HACE1: variants seen among roughly 807,000 people sequenced by gnomAD.
HACE1 encodes the protein HECT domain and ankyrin repeat containing E3 ubiquitin protein ligase 1, also known as E3 ubiquitin-protein ligase HACE1.
A neutral mutation model predicts 118.4 loss-of-function variants in HACE1; 73 were observed. That is an observed-to-expected ratio of 0.62 (90% CI 0.51 to 0.75). The LOEUF (loss-of-function observed/expected upper bound fraction) is 0.75. Ranked by LOEUF, HACE1 falls within the 30% of genes least tolerant of loss-of-function variation. HACE1 has a pLI of 0.00. For synonymous variants in HACE1, 368 were observed against 374.8 expected, an observed-to-expected ratio of 0.98 and a Z score of 0.21; for missense variants, 749 against 1,102.2, an observed-to-expected ratio of 0.68 and a Z score of 4.54.
chr6:104,792,792 T>G (rs566663965), intron 10 of HACE1, among the ~76,000 whole-genome samples: 5 of 152,128 alleles, frequency 3.3e-5, no homozygotes, highest in African/African-American at 1.2e-4. Flanking sequence ...TGTGATTAGG[T>G]ACATCTGAAG....
chr6:104,807,385 T>C (rs1331311560), intron 7 of HACE1, among the ~76,000 whole-genome samples: 1 of 152,180 alleles, frequency 6.6e-6, no homozygotes, highest in Non-Finnish European at 1.5e-5. Context: ...ACGAGTTGCT[T>C]CGCAGTAGCT....
chr6:104,759,072 A>G (rs1779038005), intron 19 of HACE1, among the ~76,000 whole-genome samples: 1 of 151,422 alleles, frequency 6.6e-6, no homozygotes, highest in Non-Finnish European at 1.5e-5. Context: ...GAGATCTACA[A>G]AGAGACTTAG....
intron 7 of HACE1, among the ~76,000 whole-genome samples, chr6:104,802,018 A>T (rs1770416465): frequency 6.7e-6 from 1 of 149,592 alleles, no homozygotes; most frequent in Non-Finnish European, 1.5e-5. Flanking sequence ...AAGATCTACC[A>T]AGCAAACGAA....
Position 104,785,316 on chromosome 6 carries a change from G to C in HACE1, c.1078C>G (p.Leu360Val). 1 of 1,573,622 alleles carries C rather than the reference G, an allele frequency of 6.4e-7. No homozygotes were observed. The highest frequency in any genetic ancestry group is 8.7e-7 in the Non-Finnish European group (1 of 1,144,878). The change falls in exon 12 of 24, where the codon CTG (leucine) becomes GTG (valine). Residue 360 changes from leucine (L) to valine (V), a missense_variant. Leu to Val is a conservative substitution (Grantham distance 32, BLOSUM62 1). This residue lies in a region of HACE1 where 267 missense variants were observed against 312.2 expected (regional missense o/e 0.86). Transcript: ENST00000262903. ...KTPRSQVFKP[L>V]ELLWHSLDEW... ...TCTAACGAGTGCCAAAGCAATTCCAGAGGCTGAGAGAAACAAAAGTGTTTT... is the reference window on the plus strand; with the variant it reads ...TCTAACGAGTGCCAAAGCAATTCCACAGGCTGAGAGAAACAAAAGTGTTTT...
Position 104,729,467 on chromosome 6 carries a change from T to C in HACE1, c.*195A>G, listed in dbSNP as rs542800114. 3.9e-3 allele frequency: 2,340 copies of C among 592,992 alleles called. 13 individuals are homozygous for C. The highest frequency in any genetic ancestry group is 6.1e-3 in the Non-Finnish European group (2,036 of 333,510). 36.7% of individuals were successfully genotyped at this position (592,992 alleles called of 1,614,324 possible). On this transcript the variant is annotated 3_prime_UTR_variant, in exon 24 of 24. Transcript: ENST00000262903. ...ATAAAATCTACTGTGATTTTATATTTTCTAATTGTATCACAAACAGAGAAA... is the reference window on the plus strand; with the variant it reads ...ATAAAATCTACTGTGATTTTATATTCTCTAATTGTATCACAAACAGAGAAA...
intron 7 of HACE1, among the ~76,000 whole-genome samples, chr6:104,803,071 G>A (rs908611847): frequency 6.6e-6 from 1 of 152,148 alleles, no homozygotes; most frequent in Non-Finnish European, 1.5e-5. Context: ...TACCATCAGA[G>A]AATACTATAA....
At chr6:104,850,170 G>A (rs1309380762) in intron 3 of HACE1, among the ~76,000 whole-genome samples, 6 of 151,376 alleles carry the variant, frequency 4.0e-5, no homozygotes, top group Non-Finnish European at 5.9e-5. Flanking sequence ...GGCTGGTCTC[G>A]AACTCCTGAC....
At chr6:104,784,596 G>T (rs1213904782) in intron 12 of HACE1, 111 bp from the exon 13 acceptor site, 1 of 687,608 alleles carries the variant, frequency 1.5e-6, no homozygotes, top group Non-Finnish European at 2.4e-6. Context: ...AAAAAAAAAA[G>T]AATTTGGTTT....
intron 5 of HACE1, among the ~76,000 whole-genome samples, chr6:104,833,664 C>T (rs1774230016): frequency 6.6e-6 from 1 of 152,110 alleles, no homozygotes; most frequent in Admixed American, 6.5e-5. Context: ...GGCAATGTAG[C>T]AAGAACCTGT....
chr6:104,848,088 A>C (rs537025150), intron 4 of HACE1, among the ~76,000 whole-genome samples: 1 of 151,534 alleles, frequency 6.6e-6, no homozygotes, highest in African/African-American at 2.4e-5. Context: ...CTGACCTCAG[A>C]TGATCCGCCC....
intron 6 of HACE1, among the ~76,000 whole-genome samples, chr6:104,827,734 G>T (rs1167194811): frequency 1.3e-5 from 2 of 152,128 alleles, no homozygotes; most frequent in Admixed American, 6.5e-5. Context: ...GTAACTGGAT[G>T]AAAAACTTGG....
intron 7 of HACE1, among the ~76,000 whole-genome samples, chr6:104,800,951 G>A (rs1763689787): frequency 6.6e-6 from 1 of 152,032 alleles, no homozygotes. Context: ...CCCATCACAA[G>A]GAAGCTAAAA....
chr6:104,728,788 T>G lies in HACE1; in HGVS notation c.*874A>C, dbSNP rs1774905348. On this transcript the variant is annotated 3_prime_UTR_variant, in exon 24 of 24. Transcript: ENST00000262903. ...CAAGTGATATTAGGCACATATCACTTGAACTTGACATTTTAATGATGAAAA... is the reference window on the plus strand; with the variant it reads ...CAAGTGATATTAGGCACATATCACTGGAACTTGACATTTTAATGATGAAAA... The G allele has an allele frequency of 6.6e-6, 1 of 152,150 alleles. No individual in the cohort carries two copies. Among genetic ancestry groups the G allele is most frequent in the African/African-American group, 2.4e-5 (1 of 41,450 alleles). 9.4% of individuals were successfully genotyped at this position (152,150 alleles called of 1,614,324 possible).
intron 22 of HACE1, among the ~76,000 whole-genome samples, chr6:104,734,158 A>AG (rs1192005521): frequency 1.3e-5 from 2 of 151,768 alleles, no homozygotes; most frequent in East Asian, 1.9e-4. Flanking sequence ...AAAAAAAAAA[A>AG]AAAAGAAATC....
At chr6:104,798,522 G>A (rs904126051) in intron 7 of HACE1, among the ~76,000 whole-genome samples, 6 of 151,856 alleles carry the variant, frequency 4.0e-5, no homozygotes, top group Admixed American at 1.3e-4. Flanking sequence ...ATACCAATAA[G>A]CCCTAACTTA....
chr6:104,825,577 C>T (rs1420328167), intron 6 of HACE1, among the ~76,000 whole-genome samples: 1 of 152,192 alleles, frequency 6.6e-6, no homozygotes, highest in African/African-American at 2.4e-5. Context: ...CTTCCCACAA[C>T]CAATCAGATG....
At chr6:104,743,532 T>C (rs962459757) in intron 22 of HACE1, among the ~76,000 whole-genome samples, 2 of 151,978 alleles carry the variant, frequency 1.3e-5, no homozygotes, top group Non-Finnish European at 2.9e-5. Context: ...TTTTCATAAA[T>C]AGAAGATAAA....
At chr6:104,806,926 T>C (rs1051013604) in intron 7 of HACE1, among the ~76,000 whole-genome samples, 11 of 152,114 alleles carry the variant, frequency 7.2e-5, no homozygotes, top group African/African-American at 2.7e-4. Flanking sequence ...GTCCAGACAG[T>C]TGTAATATTA....
intron 5 of HACE1, among the ~76,000 whole-genome samples, chr6:104,843,019 C>A (rs1775265870): frequency 6.6e-6 from 1 of 152,042 alleles, no homozygotes. Context: ...GGCTGAGGCA[C>A]AAGAATCGCT....
Sources: allele counts gnomAD v4.1 joint callset (sites outside exome capture counted in the v4.1 genomes callset), GRCh38; gene constraint gnomAD v4.1.1; regional missense constraint gnomAD v4.1.1; transcripts MANE v1.5; gene names NCBI Gene and HGNC (gene_info 2026-07-23, HGNC 2026-07-21).